Variants in SGCZ observed in about 807,000 individuals in gnomAD.
The protein encoded by SGCZ is zeta-sarcoglycan.
In SGCZ, 40 loss-of-function variants were observed where a neutral mutation model predicts 41.3. The ratio of observed to expected loss-of-function variants is 0.97; its 90% CI spans 0.75 to 1.26. The LOEUF (loss-of-function observed/expected upper bound fraction) is 1.26. Among genes scored for constraint, SGCZ ranks in the 50% most tolerant of loss-of-function variants. The pLI is 0.00. For missense variants in SGCZ, 552 were observed against 369.8 expected (o/e 1.49, Z -4.04); for synonymous variants, 206 against 137.5 (o/e 1.50, Z -3.49).
At chr8:14,477,833 T>C (rs1366932847) in intron 2 of SGCZ, among the ~76,000 whole-genome samples, 8 of 152,248 alleles carry the variant, frequency 5.3e-5, no homozygotes, top group Admixed American at 5.2e-4. Context: ...TGAGGTTTTA[T>C]ATCATCACCA....
intron 5 of SGCZ, among the ~76,000 whole-genome samples, chr8:14,112,932 T>A (rs909432713): frequency 6.7e-6 from 1 of 150,176 alleles, no homozygotes; most frequent in Non-Finnish European, 1.5e-5. Flanking sequence ...TGGAAAAAAA[T>A]ATTAATTGGC....
At chr8:14,353,387 T>C (rs1400152650) in intron 2 of SGCZ, among the ~76,000 whole-genome samples, 1 of 152,102 alleles carries the variant, frequency 6.6e-6, no homozygotes, top group Non-Finnish European at 1.5e-5. Flanking sequence ...TTAATCTTGA[T>C]TCATGGCTTT....
At chr8:14,615,531 A>G (rs1006024355) in intron 1 of SGCZ, among the ~76,000 whole-genome samples, 1 of 152,238 alleles carries the variant, frequency 6.6e-6, no homozygotes, top group Non-Finnish European at 1.5e-5. Context: ...TTTAACAAGT[A>G]TCAAGAATAT....
intron 1 of SGCZ, among the ~76,000 whole-genome samples, chr8:14,630,482 G>C (rs560697402): frequency 1.3e-5 from 2 of 152,086 alleles, no homozygotes; most frequent in African/African-American, 4.8e-5. Flanking sequence ...CAAGGATCTA[G>C]AACTAGAAAT....
intron 4 of SGCZ, among the ~76,000 whole-genome samples, chr8:14,169,383 C>T (rs1277044665): frequency 1.3e-5 from 2 of 152,148 alleles, no homozygotes; most frequent in Non-Finnish European, 2.9e-5. Context: ...TCGTAGTCTC[C>T]TTAAAGCCAA....
intron 7 of SGCZ, among the ~76,000 whole-genome samples, chr8:14,099,695 A>G (rs1022736906): frequency 6.6e-6 from 1 of 152,124 alleles, no homozygotes; most frequent in African/African-American, 2.4e-5. Context: ...AATGTACTCC[A>G]TCCTGGGCGA....
At chr8:14,960,142 G>T (rs1046152540) in intron 1 of SGCZ, among the ~76,000 whole-genome samples, 2 of 152,118 alleles carry the variant, frequency 1.3e-5, no homozygotes, top group African/African-American at 2.4e-5. Flanking sequence ...TTGTTTTCAG[G>T]ATTTCATCTT....
intron 1 of SGCZ, among the ~76,000 whole-genome samples, chr8:14,876,701 CTT>C: frequency 6.6e-6 from 1 of 152,182 alleles, no homozygotes; most frequent in Non-Finnish European, 1.5e-5. Context: ...TAGTGAGTAA[CTT>C]TTATTGGCTT....
chr8:15,171,960 A>G (rs928142967), intron 1 of SGCZ, among the ~76,000 whole-genome samples: 2 of 152,124 alleles, frequency 1.3e-5, no homozygotes, highest in Non-Finnish European at 2.9e-5. Context: ...CTCCATTGAA[A>G]GGTAACAGGA....
At chr8:14,406,237 C>G (rs117198501) in intron 2 of SGCZ, among the ~76,000 whole-genome samples, 2 of 152,230 alleles carry the variant, frequency 1.3e-5, no homozygotes, top group Non-Finnish European at 2.9e-5. Flanking sequence ...CTTCCGATGT[C>G]GGGCTCAGTT....
chr8:14,622,666 A>T (rs1170607885), intron 1 of SGCZ, among the ~76,000 whole-genome samples: 1 of 152,202 alleles, frequency 6.6e-6, no homozygotes, highest in Non-Finnish European at 1.5e-5. Flanking sequence ...GTTACTGCTC[A>T]AAGCTAGCAA....
chr8:15,212,937 T>C (rs138357807), intron 1 of SGCZ, among the ~76,000 whole-genome samples: 5 of 152,158 alleles, frequency 3.3e-5, no homozygotes, highest in African/African-American at 1.2e-4. Flanking sequence ...ATGAAAAGCA[T>C]GACAACTCAC....
chr8:15,089,195 C>T (rs1008181834), intron 1 of SGCZ, among the ~76,000 whole-genome samples: 14 of 151,908 alleles, frequency 9.2e-5, no homozygotes, highest in African/African-American at 1.5e-4. Flanking sequence ...TCTAATGATT[C>T]GATATAAAAA....
Position 14,961,426 on chromosome 8 carries a change from G to T in SGCZ, c.39+276159C>A, listed in dbSNP as rs1055328037. 2.6e-5 allele frequency among the ~76,000 whole-genome samples: 4 copies of T among 152,158 alleles called. 1 individual carries two copies. The Middle Eastern group carries it at 0.014, about 518-fold the overall frequency. ...TTACAGTAGATTCTCATGGTCCATGGTTTTACTTTTTGTAGGCTCAGCTAC... is the reference window on the plus strand; with the variant it reads ...TTACAGTAGATTCTCATGGTCCATGTTTTTACTTTTTGTAGGCTCAGCTAC... On this transcript the variant is annotated intron_variant, in intron 1 of 7. Transcript: ENST00000382080.
chr8:14,099,522 C>G (rs182936990), intron 7 of SGCZ, among the ~76,000 whole-genome samples: 1 of 152,164 alleles, frequency 6.6e-6, no homozygotes, highest in East Asian at 1.9e-4. Flanking sequence ...GTCAGGAGTT[C>G]CAGACAAGCC....
intron 2 of SGCZ, among the ~76,000 whole-genome samples, chr8:14,470,764 T>C (rs1335140102): frequency 6.6e-6 from 1 of 152,176 alleles, no homozygotes; most frequent in Non-Finnish European, 1.5e-5. Flanking sequence ...AATCACTCTC[T>C]TGGAAAGACC....
At chr8:14,220,882 C>T (rs1806169494) in intron 4 of SGCZ, among the ~76,000 whole-genome samples, 2 of 152,080 alleles carry the variant, frequency 1.3e-5, no homozygotes, top group African/African-American at 4.8e-5. Context: ...AAGGAAATAG[C>T]ATTTCAAAAT....
At position 14,957,860 on chromosome 8, in the gene SGCZ, A is replaced by G. The variant is rs12677201; in HGVS notation, c.39+279725T>C. On this transcript the variant is annotated intron_variant, in intron 1 of 7. Coordinates refer to ENST00000382080, the MANE Select transcript of SGCZ (RefSeq NM_139167.4). Reference sequence around the variant, plus strand: ...CTTTTTGCTATGCTGAAAATATAAAATGACTTACGTAAGTAAATGTTCATT... The same window carrying G: ...CTTTTTGCTATGCTGAAAATATAAAGTGACTTACGTAAGTAAATGTTCATT... Among the ~76,000 whole-genome samples, 481 of 152,196 alleles carry G rather than the reference A, an allele frequency of 3.2e-3. 9 individuals are homozygous for G. The East Asian group carries it at 0.047, about 15-fold the overall frequency.
intron 1 of SGCZ, among the ~76,000 whole-genome samples, chr8:15,012,704 T>A: frequency 6.9e-6 from 1 of 144,100 alleles, no homozygotes; most frequent in Middle Eastern, 3.6e-3. Context: ...AAATATTTTA[T>A]ATAAATGTTA....
Sources: gnomAD v4.1 joint callset for allele counts (sites outside exome capture counted in the v4.1 genomes callset) on GRCh38, gnomAD v4.1.1 for gene constraint, MANE v1.5 for transcripts, NCBI Gene and HGNC (gene_info 2026-07-23, HGNC 2026-07-21) for gene names.